Variants in GABRB1 observed in about 807,000 individuals in gnomAD.
GABRB1 encodes the protein gamma-aminobutyric acid receptor subunit beta-1.
GABRB1 carries 17 observed loss-of-function variants against 51.6 expected under a neutral mutation model. The observed-to-expected ratio is 0.33, with a 90% CI of 0.23 to 0.49. The LOEUF is 0.49. Ranked by LOEUF, GABRB1 falls within the 20% of genes least tolerant of loss-of-function variation. The pLI, the probability that GABRB1 is intolerant of heterozygous loss-of-function variation, is 0.99. For synonymous variants in GABRB1, 247 were observed against 218.9 expected (o/e 1.13, Z -1.14); for missense variants, 410 against 600.6 (o/e 0.68, Z 3.32).
chr4:47,273,870 C>CAT (rs71195615), intron 4 of GABRB1, among the ~76,000 whole-genome samples: 51,368 of 148,508 alleles, frequency 0.35, 9,457 homozygotes, highest in Middle Eastern at 0.53. Context: ...TACATACACA[C>CAT]ACACACACAC....
intron 4 of GABRB1, among the ~76,000 whole-genome samples, chr4:47,240,808 C>T (rs190373978): frequency 9.9e-5 from 15 of 152,248 alleles, no homozygotes; most frequent in African/African-American, 3.4e-4. Flanking sequence ...GCACAGCACC[C>T]GGTAGTTAGA....
intron 1 of GABRB1, among the ~76,000 whole-genome samples, chr4:47,000,355 A>G (rs1724141058): frequency 6.6e-6 from 1 of 152,256 alleles, no homozygotes. Flanking sequence ...TATCTCATTA[A>G]AAATACCTCA....
At chr4:47,371,331 C>A (rs1727186990) in intron 5 of GABRB1, among the ~76,000 whole-genome samples, 1 of 152,162 alleles carries the variant, frequency 6.6e-6, no homozygotes, top group African/African-American at 2.4e-5. Flanking sequence ...TTTACCCAGT[C>A]TATCACTGAT....
chr4:47,249,520 A>T (rs1266055130), intron 4 of GABRB1, among the ~76,000 whole-genome samples: 1 of 151,914 alleles, frequency 6.6e-6, no homozygotes, highest in Admixed American at 6.6e-5. Flanking sequence ...ATGCCTGTTA[A>T]TTACATTTGT....
At chr4:47,183,175 T>C (rs996934285) in intron 4 of GABRB1, among the ~76,000 whole-genome samples, 1 of 151,622 alleles carries the variant, frequency 6.6e-6, no homozygotes, top group South Asian at 2.1e-4. Flanking sequence ...AGCAATGTCA[T>C]GTTTCACTGA....
chr4:47,297,357 G>T (rs1247439901), intron 4 of GABRB1, among the ~76,000 whole-genome samples: 1 of 118,332 alleles, frequency 8.5e-6, no homozygotes, highest in African/African-American at 3.3e-5. Context: ...TTGATAGACC[G>T]CTAGCAAGAC....
chr4:47,050,989 G>A (rs1315673246), intron 3 of GABRB1, among the ~76,000 whole-genome samples: 1 of 152,022 alleles, frequency 6.6e-6, no homozygotes, highest in African/African-American at 2.4e-5. Flanking sequence ...GGTTTTGTGT[G>A]TGCCCTCTCT....
At chr4:47,191,616 G>C (rs909162492) in intron 4 of GABRB1, among the ~76,000 whole-genome samples, 4 of 152,140 alleles carry the variant, frequency 2.6e-5, no homozygotes, top group Non-Finnish European at 4.4e-5. Context: ...TTAGATAACA[G>C]TGTTTTCACT....
intron 8 of GABRB1, among the ~76,000 whole-genome samples, chr4:47,413,545 T>C (rs1048523384): frequency 2.0e-5 from 3 of 152,242 alleles, no homozygotes; most frequent in Admixed American, 6.5e-5. Context: ...ATTAATTTTT[T>C]TAAATATAAT....
chr4:47,006,069 C>T (rs1392505692), intron 1 of GABRB1, among the ~76,000 whole-genome samples: 2 of 151,400 alleles, frequency 1.3e-5, no homozygotes, highest in African/African-American at 4.8e-5. Flanking sequence ...AAAAATCAGA[C>T]ACTATTTTTC....
intron 3 of GABRB1, among the ~76,000 whole-genome samples, chr4:47,155,606 G>A (rs974590841): frequency 6.6e-6 from 1 of 151,838 alleles, no homozygotes; most frequent in Non-Finnish European, 1.5e-5. Context: ...CCTCACTTTT[G>A]CAGCTCACTG....
At chr4:47,303,564 C>T (rs1409447904) in intron 4 of GABRB1, among the ~76,000 whole-genome samples, 2 of 151,832 alleles carry the variant, frequency 1.3e-5, no homozygotes, top group African/African-American at 2.4e-5. Context: ...TTTTTTTACT[C>T]TGTCTTGAAA....
chr4:47,071,637 A>AT (rs549037125), intron 3 of GABRB1, among the ~76,000 whole-genome samples: 58 of 144,180 alleles, frequency 4.0e-4, no homozygotes, highest in East Asian at 1.8e-3. Flanking sequence ...ACATGTACTT[A>AT]TTTTTTTTTC....
At chr4:47,385,282 T>C (rs892935909) in intron 5 of GABRB1, among the ~76,000 whole-genome samples, 3 of 152,058 alleles carry the variant, frequency 2.0e-5, no homozygotes, top group African/African-American at 7.3e-5. Flanking sequence ...TTGCAAGGAG[T>C]ACATGTTTTA....
chr4:47,256,944 G>A (rs1349785054), intron 4 of GABRB1, among the ~76,000 whole-genome samples: 1 of 152,164 alleles, frequency 6.6e-6, no homozygotes, highest in African/African-American at 2.4e-5. Flanking sequence ...CTTTACAGAT[G>A]AGGAAACTAT....
rs1473112191 is a variant in GABRB1 at position 47,019,917 on chromosome 4, T to TGTATATGTATATGTATAC, written c.-19-11992_-19-11991insTGTATATGTATACGTATA. ...ATGTATATGTATATGTATATGTATA[T>TGTATATGTATATGTATAC]GTATACGTATATGTATACGTATATG... On this transcript the variant is annotated intron_variant, in intron 1 of 3. Transcript: ENST00000513567. Among the ~76,000 whole-genome samples, 15 of 101,252 alleles carry TGTATATGTATATGTATAC rather than the reference T, an allele frequency of 1.5e-4. No individual in the cohort carries two copies. In the South Asian group the frequency reaches 1.6e-3, roughly 11 times the overall value. The allele number at this position is 101,252 out of a possible 152,430, so 66.4% of individuals were successfully genotyped here.
intron 5 of GABRB1, among the ~76,000 whole-genome samples, chr4:47,394,500 A>C (rs990115888): frequency 4.6e-5 from 7 of 152,300 alleles, no homozygotes; most frequent in African/African-American, 1.4e-4. Context: ...ATGAAAGGCC[A>C]CCCCAGCCCC....
At chr4:47,132,973 T>C (rs1285876366) in intron 3 of GABRB1, among the ~76,000 whole-genome samples, 1 of 152,222 alleles carries the variant, frequency 6.6e-6, no homozygotes, top group East Asian at 1.9e-4. Flanking sequence ...GAGGTATCCC[T>C]GAAACACTTT....
intron 4 of GABRB1, among the ~76,000 whole-genome samples, chr4:47,161,770 T>A (rs1717963117): frequency 6.6e-6 from 1 of 152,062 alleles, no homozygotes; most frequent in Admixed American, 6.6e-5. Context: ...GTCATTCTTT[T>A]GAGAAACAGA....
Sources: allele counts gnomAD v4.1 joint callset (sites outside exome capture counted in the v4.1 genomes callset), GRCh38; gene constraint gnomAD v4.1.1; transcripts MANE v1.5; gene names NCBI Gene and HGNC (gene_info 2026-07-23, HGNC 2026-07-21).